The following ANK1 variants were observed in gnomAD, a reference collection of about 807,000 sequenced individuals.
ANK1 encodes ankyrin-1.
Under a neutral mutation model 210.4 loss-of-function variants are expected in ANK1, and 51 were observed. The ratio of observed to expected loss-of-function variants is 0.24; its 90% CI spans 0.19 to 0.31. The LOEUF (loss-of-function observed/expected upper bound fraction) is 0.31, where lower values mean the gene tolerates loss of function less well. Among genes scored for constraint, ANK1 ranks in the 10% least tolerant of loss-of-function variants. The pLI is 1.00. For synonymous variants in ANK1, 967 were observed against 1,025.9 expected (o/e 0.94, Z 1.10); for missense variants, 2,051 against 2,504.4 (o/e 0.82, Z 3.86).
At chr8:41,777,989 A>T (rs914931110) in intron 1 of ANK1, among the ~76,000 whole-genome samples, 1 of 151,476 alleles carries the variant, frequency 6.6e-6, no homozygotes, top group Non-Finnish European at 1.5e-5. Flanking sequence ...CAATATCCAC[A>T]CCCGCCTCTA....
Position 41,758,043 on chromosome 8 carries a change from C to G in ANK1, c.122G>C (p.Cys41Ser). Residue 41 changes from cysteine to serine, a missense_variant, in exon 2 of 43, where the codon TGT becomes TCT. Physicochemically the swap from Cys to Ser is moderately radical, Grantham distance 112. Coordinates refer to ENST00000289734, the MANE Select transcript of ANK1 (RefSeq NM_000037.4). The stretch of plus-strand genomic sequence containing the variant: ...TGCCTCCATCCCACTTACCTGGTTA[C>G]AGGTGTTAATATCTACCCCATTCCG... ...HLRNGVDINT[C>S]NQNGLNGLHL... 1 of 1,614,020 alleles carries G rather than the reference C, an allele frequency of 6.2e-7. No individual in the cohort carries two copies. Among genetic ancestry groups the G allele is most frequent in the Non-Finnish European group, 8.5e-7 (1 of 1,179,874 alleles).
intron 1 of ANK1, among the ~76,000 whole-genome samples, chr8:41,763,175 C>T (rs1840842946): frequency 6.7e-6 from 1 of 149,364 alleles, no homozygotes; most frequent in African/African-American, 2.5e-5. Flanking sequence ...GATTGCGGCA[C>T]TGCACTCCAG....
chr8:41,664,244 G>A (rs117183306), intron 39 of ANK1: 5 of 448,566 alleles, frequency 1.1e-5, no homozygotes, highest in Admixed American at 2.4e-5. Context: ...GGCCAAGGCC[G>A]GAGGACCACT....
At chr8:41,740,001 C>T (rs796342557) in intron 2 of ANK1, among the ~76,000 whole-genome samples, 3 of 152,156 alleles carry the variant, frequency 2.0e-5, no homozygotes, top group African/African-American at 7.2e-5. Context: ...AGGCTCTGTA[C>T]ATCTGGCCCT....
rs918229704 is a variant in ANK1, at chr8:41,672,853, A to G, written c.4597T>C (p.Ser1533Pro). Residue 1533 changes from serine (S) to proline (P), a missense_variant, in exon 38 of 43, where the codon TCT (serine) becomes CCT (proline). Physicochemically the swap from Ser to Pro is moderately conservative, Grantham distance 74 (BLOSUM62 -1). Coordinates refer to ENST00000289734, the MANE Select transcript of ANK1 (RefSeq NM_000037.4). ...CAGTACTGGTCTGCACGTAGCGGAG[A>G]GGAAAGTGCACAGCCCAGGGAGGCA... is the stretch of plus-strand genomic sequence containing the variant. ...SPASLGCALS[S>P]PLRADQYWNE... is the part of the protein sequence containing the mutation. The G allele has an allele frequency of 3.7e-6, 6 of 1,610,744 alleles. No homozygotes were observed. Among genetic ancestry groups the G allele is most frequent in the Non-Finnish European group, 5.1e-6 (6 of 1,179,932 alleles).
intron 1 of ANK1, among the ~76,000 whole-genome samples, chr8:41,871,717 G>A (rs10087315): frequency 0.013 from 2,018 of 152,346 alleles, 37 homozygotes; most frequent in African/African-American, 0.046. Context: ...ATAAATGTCT[G>A]CTGGTCAAGG....
chr8:41,672,056 C>T (rs1812570177), intron 38 of ANK1, among the ~76,000 whole-genome samples: 2 of 152,040 alleles, frequency 1.3e-5, no homozygotes, highest in Admixed American at 1.3e-4. Flanking sequence ...TCCCGGTGCC[C>T]TAATGTCCCT....
At position 41,879,592 on chromosome 8, in the gene ANK1, G is replaced by A. The variant is rs186284151; in HGVS notation, c.126+16763C>T. On this transcript the variant is annotated intron_variant, in intron 1 of 42. Coordinates refer to the ANK1 transcript ENST00000265709. ...TGCCACAGGCCTTTTACCCAGGCACGCACCAGATTGTTCCTATTTCCACAA... is the reference window on the plus strand; with the variant it reads ...TGCCACAGGCCTTTTACCCAGGCACACACCAGATTGTTCCTATTTCCACAA... 6.3e-3 allele frequency among the ~76,000 whole-genome samples: 957 copies of A among 152,306 alleles called. 7 individuals are homozygous for A. The highest frequency in any genetic ancestry group is 0.01 in the Middle Eastern group (3 of 294).
intron 2 of ANK1, among the ~76,000 whole-genome samples, chr8:41,738,915 T>G (rs540318460): frequency 1.3e-5 from 2 of 152,268 alleles, no homozygotes; most frequent in Non-Finnish European, 2.9e-5. Context: ...GTGTAGAAGA[T>G]AAGCAAAAAG....
At chr8:41,808,710 T>C (rs1162165468) in intron 1 of ANK1, among the ~76,000 whole-genome samples, 1 of 152,084 alleles carries the variant, frequency 6.6e-6, no homozygotes, top group African/African-American at 2.4e-5. Flanking sequence ...TAAGAATGTT[T>C]GCTGTTTCAT....
chr8:41,784,294 C>CA (rs1845926855), intron 1 of ANK1, among the ~76,000 whole-genome samples: 1 of 152,174 alleles, frequency 6.6e-6, no homozygotes, highest in South Asian at 2.1e-4. Flanking sequence ...TCCTGGTGCC[C>CA]AGGAACTAAC....
chr8:41,713,982 T>C (rs1233728887), intron 16 of ANK1, among the ~76,000 whole-genome samples, 174 bp downstream of exon 16: 1 of 152,186 alleles, frequency 6.6e-6, no homozygotes, highest in East Asian at 1.9e-4. Context: ...GGGCCCTGAA[T>C]AGCGTGATTA....
At chr8:41,687,199 A>G (rs1287555956) in intron 35 of ANK1, among the ~76,000 whole-genome samples, 1 of 152,222 alleles carries the variant, frequency 6.6e-6, no homozygotes, top group Non-Finnish European at 1.5e-5. Flanking sequence ...AAGGAGGGGA[A>G]GGGGAAGCCA....
Position 41,717,685 on chromosome 8 carries a change from G to A in ANK1, c.1224C>T (p.Leu408=), listed in dbSNP as rs1828084702. ...DAVTESGLTP[L]HVASFMGHLP... The stretch of plus-strand genomic sequence containing the variant: ...GGTGCCCCATGAAGGAGGCCACGTG[G>A]AGAGGTGTCAGGCCAGACTGAAACA... The change falls in exon 12 of 43, where the codon CTC becomes CTT. Residue 408 remains leucine (L), a synonymous_variant. Coordinates refer to ENST00000289734, the MANE Select transcript of ANK1 (RefSeq NM_000037.4). The A allele has an allele frequency of 6.4e-7, 1 of 1,551,710 alleles. No individual in the cohort carries two copies. The highest frequency in any genetic ancestry group is 8.7e-7 in the Non-Finnish European group (1 of 1,147,006).
rs773805000 is a variant in ANK1 at position 41,693,973 on chromosome 8, G to A, written c.3457C>T (p.Pro1153Ser). The A allele has an allele frequency of 4.3e-6, 7 of 1,614,148 alleles. No individual in the cohort carries two copies. In the South Asian group the frequency reaches 6.6e-5, roughly 15 times the overall value. The change falls in exon 29 of 43, where the codon CCT (proline) becomes TCT (serine). Residue 1153 changes from proline (P) to serine (S), a missense_variant. By Grantham distance (74) the Pro-to-Ser change is moderately conservative. Coordinates refer to ENST00000289734, the MANE Select transcript of ANK1 (RefSeq NM_000037.4). ...TCCCTCGGGTTGTCGGTCCAGGAAG[G>A]AGGTAGTGGGATCCGAAGCCCAATG... Reference protein sequence around the residue: ...RPIGLRIPLPPSWTDNPRDSG... With the variant: ...RPIGLRIPLPSSWTDNPRDSG...
chr8:41,707,134 C>G (rs1014637642), intron 17 of ANK1, among the ~76,000 whole-genome samples: 1 of 152,178 alleles, frequency 6.6e-6, no homozygotes, highest in Admixed American at 6.5e-5. Flanking sequence ...ATACTGTTAT[C>G]ACTGCACAGC....
rs767553149 is a variant in ANK1 at position 41,693,918 on chromosome 8, C to A, written c.3512G>T (p.Arg1171Leu). The A allele has an allele frequency of 1.2e-6, 2 of 1,611,260 alleles. No homozygotes were observed. Among genetic ancestry groups the A allele is most frequent in the Non-Finnish European group, 1.7e-6 (2 of 1,178,994 alleles). ...DSGEGDTTSLRLLCSVIGGTD... is the reference protein window; with the variant it reads ...DSGEGDTTSLLLLCSVIGGTD... ...CTCACCAATGACGCTGCAAAGCAGG[C>A]GCAGGCTGGTGGTGTCTCCCTCCCC... is the stretch of plus-strand genomic sequence containing the variant. Residue 1171 changes from arginine (R) to leucine (L), a missense_variant, in exon 29 of 43, where the codon CGC (arginine) becomes CTC (leucine). Arg to Leu is a moderately radical substitution (Grantham distance 102, BLOSUM62 -2). Around this residue, in one of 6 missense-constraint regions of ANK1, gnomAD observed 1,413 missense variants for 1,707.4 expected, o/e 0.83. Coordinates refer to ENST00000289734, the MANE Select transcript of ANK1 (RefSeq NM_000037.4).
intron 2 of ANK1, among the ~76,000 whole-genome samples, chr8:41,736,773 G>A (rs542403659): frequency 2.6e-5 from 4 of 152,306 alleles, no homozygotes; most frequent in South Asian, 2.1e-4. Context: ...CCAATGTCAC[G>A]ATTTCAATCC....
In ANK1 at chr8:41,701,552, T is replaced by C; in HGVS notation, c.2459A>G (p.Glu820Gly). ...TGAGCTCTTTACCCCAACGTTACCTTCATCTTCCGAGACATCCAGGATCTC... is the reference window on the plus strand; with the variant it reads ...TGAGCTCTTTACCCCAACGTTACCTCCATCTTCCGAGACATCCAGGATCTC... ...VDEILDVSEDEGEELISFKAE... is the reference protein window; with the variant it reads ...VDEILDVSEDGGEELISFKAE... Residue 820 changes from glutamate to glycine, a missense_variant and splice_region_variant, in exon 22 of 43, where the codon GAA becomes GGA. Around this residue, in one of 6 missense-constraint regions of ANK1, gnomAD observed 1,413 missense variants for 1,707.4 expected, o/e 0.83. Transcript: ENST00000289734. 1 of 1,614,078 alleles carries C rather than the reference T, an allele frequency of 6.2e-7. No individual in the cohort carries two copies. The highest frequency in any genetic ancestry group is 8.5e-7 in the Non-Finnish European group (1 of 1,179,992).
Sources: gnomAD v4.1 joint callset for allele counts (sites outside exome capture counted in the v4.1 genomes callset) on GRCh38, gnomAD v4.1.1 for gene constraint, gnomAD v4.1.1 regional missense constraint, MANE v1.5 for transcripts, NCBI Gene and HGNC (gene_info 2026-07-23, HGNC 2026-07-21) for gene names.